KDM1A: variants seen among roughly 807,000 people sequenced by gnomAD.
KDM1A encodes the protein lysine demethylase 1A, also known as lysine-specific histone demethylase 1A.
KDM1A carries 49 observed loss-of-function variants against 109.4 expected under a neutral mutation model. That is an observed-to-expected ratio of 0.45 (90% CI 0.36 to 0.57). KDM1A has a LOEUF of 0.57. Among genes scored for constraint, KDM1A ranks in the 20% least tolerant of loss-of-function variants. KDM1A has a pLI of 0.00. For missense variants in KDM1A, 668 were observed against 1,116.6 expected, an observed-to-expected ratio of 0.60 and a Z score of 5.73; for synonymous variants, 380 against 415.4, an observed-to-expected ratio of 0.91 and a Z score of 1.04.
chr1:23,083,103 A>T, intron 20 of KDM1A, 76 bp from the exon 21 acceptor site: 1 of 1,350,142 alleles, frequency 7.4e-7, no homozygotes, highest in Non-Finnish European at 1.0e-6. Flanking sequence ...ACAGCAATTT[A>T]AGTACTTAGC....
rs780379172 is a variant in KDM1A, at chr1:23,019,743, G to A, written c.147G>A (p.Glu49=). The A allele has an allele frequency of 1.5e-6, 2 of 1,335,424 alleles. No individual in the cohort carries two copies. The highest frequency in any genetic ancestry group is 3.1e-5 in the African/African-American group (2 of 64,768). 82.7% of individuals were successfully genotyped at this position (1,335,424 alleles called of 1,614,324 possible). A position where few individuals can be genotyped will look rare whatever the true frequency, so the allele number is the denominator to read the frequency against. Residue 49 remains glutamate (E), a synonymous_variant, in exon 1 of 21, where the codon GAG becomes GAA. Coordinates refer to ENST00000400181, the MANE Select transcript of KDM1A (RefSeq NM_001009999.3). ...AQPAGLSGPA[E]VGPGAVGERT... ...CCGCGGGCCTGTCGGGCCCAGCCGAGGTCGGGCCGGGGGCGGTGGGGGAGC... is the reference window on the plus strand; with the variant it reads ...CCGCGGGCCTGTCGGGCCCAGCCGAAGTCGGGCCGGGGGCGGTGGGGGAGC...
At position 23,077,291 on chromosome 1, in the gene KDM1A, G is replaced by A. The variant is rs1407642449; in HGVS notation, c.1798G>A (p.Val600Met). ...TVRNGYSCVP[V>M]ALAEGLDIKL... Reference sequence around the variant, plus strand: ...AAGGAATGGCTACTCGTGTGTGCCTGTGGCTTTAGCAGAAGGCCTAGACAT... The same window carrying A: ...AAGGAATGGCTACTCGTGTGTGCCTATGGCTTTAGCAGAAGGCCTAGACAT... The change falls in exon 16 of 21, where the codon GTG (valine) becomes ATG (methionine). Residue 600 changes from valine to methionine, a missense_variant. Val to Met is a conservative substitution (Grantham distance 21, BLOSUM62 1). This residue lies in a region of KDM1A where 162 missense variants were observed against 376.4 expected (regional missense o/e 0.43). Coordinates refer to ENST00000400181, the MANE Select transcript of KDM1A (RefSeq NM_001009999.3). The A allele has an allele frequency of 2.0e-5, 33 of 1,614,124 alleles. No homozygotes were observed. Among genetic ancestry groups the A allele is most frequent in the Non-Finnish European group, 2.8e-5 (33 of 1,179,950 alleles).
At chr1:23,063,221 G>GGGGTGT (rs1557569838) in intron 9 of KDM1A, among the ~76,000 whole-genome samples, 3 of 90,906 alleles carry the variant, frequency 3.3e-5, no homozygotes, top group Non-Finnish European at 4.5e-5. Flanking sequence ...GTGTGGGGTG[G>GGGGTGT]GTGTGTGTGG....
chr1:23,083,272 G>A lies in KDM1A; in HGVS notation c.2539G>A (p.Gly847Arg). The A allele has an allele frequency of 1.2e-6, 2 of 1,613,966 alleles. No homozygotes were observed. Among genetic ancestry groups the A allele is most frequent in the Non-Finnish European group, 1.7e-6 (2 of 1,179,986 alleles). The change falls in exon 21 of 21, where the codon GGA (glycine) becomes AGA (arginine). Residue 847 changes from glycine (G) to arginine (R), a missense_variant. Gly to Arg is a moderately radical substitution (Grantham distance 125). Around this residue, in one of 8 missense-constraint regions of KDM1A, gnomAD observed 69 missense variants for 99.6 expected, o/e 0.69. Coordinates refer to ENST00000400181, the MANE Select transcript of KDM1A (RefSeq NM_001009999.3). The stretch of plus-strand genomic sequence containing the variant: ...TCTGCTGAGTGGGCTGCGAGAAGCG[G>A]GAAGAATTGCAGACCAGTTTTTGGG... ...GALLSGLREA[G>R]RIADQFLGAM...
intron 5 of KDM1A, 80 bp from the exon 6 acceptor site, chr1:23,054,989 A>G (rs1232311161): frequency 1.0e-5 from 9 of 871,092 alleles, no homozygotes; most frequent in Middle Eastern, 2.4e-4. Context: ...GGACTTCATG[A>G]TGGAGAAATG....
intron 15 of KDM1A, among the ~76,000 whole-genome samples, chr1:23,075,730 C>T (rs1001850358): frequency 1.3e-5 from 2 of 152,054 alleles, no homozygotes; most frequent in South Asian, 2.1e-4. Context: ...GGCGGATCAC[C>T]TCAGGTCAGG....
At chr1:23,054,260 T>C (rs918653756) in intron 5 of KDM1A, among the ~76,000 whole-genome samples, 2 of 152,208 alleles carry the variant, frequency 1.3e-5, no homozygotes, top group Non-Finnish European at 2.9e-5. Context: ...AATGAAATTC[T>C]TAAAAATTTT....
intron 9 of KDM1A, among the ~76,000 whole-genome samples, chr1:23,060,524 G>A (rs993282570): frequency 3.9e-5 from 6 of 152,312 alleles, no homozygotes; most frequent in African/African-American, 1.4e-4. Flanking sequence ...TGCTATGGAA[G>A]AACCAAGGTG....
intron 16 of KDM1A, among the ~76,000 whole-genome samples, chr1:23,078,298 G>T (rs995904552): frequency 6.6e-6 from 1 of 152,142 alleles, no homozygotes; most frequent in Non-Finnish European, 1.5e-5. Context: ...TAGATGTTGT[G>T]CCATTTTCTC....
chr1:23,081,843 A>G, intron 19 of KDM1A: 1 of 460,014 alleles, frequency 2.2e-6, no homozygotes, highest in South Asian at 3.8e-5. Flanking sequence ...CAAAATGGCC[A>G]AACTCCAGTG....
rs570849478 is a variant in KDM1A at position 23,049,599 on chromosome 1, C to T, written c.578-788C>T. On this transcript the variant is annotated intron_variant, in intron 3 of 20. Transcript: ENST00000400181. ...ACTCGAGAGGCTGAGGCAGGAGAATCGCTTGAACCCAGGAGGCAGAGGTTG... is the reference window on the plus strand; with the variant it reads ...ACTCGAGAGGCTGAGGCAGGAGAATTGCTTGAACCCAGGAGGCAGAGGTTG... 1.3e-4 allele frequency among the ~76,000 whole-genome samples: 19 copies of T among 151,390 alleles called. No individual in the cohort carries two copies. The South Asian group carries it at 3.8e-3, about 30-fold the overall frequency.
intron 4 of KDM1A, among the ~76,000 whole-genome samples, chr1:23,053,280 ATGGCTT>A (rs1557549461): frequency 2.0e-5 from 3 of 152,184 alleles, no homozygotes; most frequent in African/African-American, 7.2e-5. Context: ...CTTATTTGAT[ATGGCTT>A]TGTGTTCATC....
At chr1:23,060,070 T>A (rs1642956307) in intron 9 of KDM1A, among the ~76,000 whole-genome samples, 1 of 152,146 alleles carries the variant, frequency 6.6e-6, no homozygotes, top group African/African-American at 2.4e-5. Flanking sequence ...TTGGTTTCCA[T>A]CCCCACCATC....
At position 23,083,270 on chromosome 1, in the gene KDM1A, C is replaced by T; in HGVS notation, c.2537C>T (p.Ala846Val). The change falls in exon 21 of 21, where the codon GCG (alanine) becomes GTG (valine). Residue 846 changes from alanine (A) to valine (V), a missense_variant. By Grantham distance (64) the Ala-to-Val change is moderately conservative. Around this residue, in one of 8 missense-constraint regions of KDM1A, gnomAD observed 69 missense variants for 99.6 expected, o/e 0.69. Coordinates refer to ENST00000400181, the MANE Select transcript of KDM1A (RefSeq NM_001009999.3). Reference protein sequence around the residue: ...HGALLSGLREAGRIADQFLGA... With the variant: ...HGALLSGLREVGRIADQFLGA... Reference sequence around the variant, plus strand: ...GCTCTGCTGAGTGGGCTGCGAGAAGCGGGAAGAATTGCAGACCAGTTTTTG... The same window carrying T: ...GCTCTGCTGAGTGGGCTGCGAGAAGTGGGAAGAATTGCAGACCAGTTTTTG... 6.2e-7 allele frequency: 1 copy of T among 1,613,884 alleles called. No individual in the cohort carries two copies. The highest frequency in any genetic ancestry group is 8.5e-7 in the Non-Finnish European group (1 of 1,179,946).
In KDM1A at chr1:23,050,430, G is replaced by T; in HGVS notation, c.621G>T (p.Arg207=). ...TCCAGAGCCGACTTCCTCATGACCG[G>T]ATGACTTCTCAAGAAGCAGCCTGTT... ...AAFQSRLPHD[R]MTSQEAACFP... The change falls in exon 4 of 21, where the codon CGG becomes CGT. Residue 207 remains arginine, a synonymous_variant. Transcript: ENST00000400181. 2 of 1,613,676 alleles carry T rather than the reference G, an allele frequency of 1.2e-6. No homozygotes were observed. Among genetic ancestry groups the T allele is most frequent in the Non-Finnish European group, 8.5e-7 (1 of 1,179,774 alleles).
intron 3 of KDM1A, among the ~76,000 whole-genome samples, chr1:23,045,654 T>C (rs1322047879): frequency 1.3e-5 from 2 of 152,050 alleles, no homozygotes; most frequent in African/African-American, 2.4e-5. Context: ...AGTTGAGTTT[T>C]CTTGTTTTTT....
At chr1:23,043,522 G>A (rs1222945545) in intron 2 of KDM1A, among the ~76,000 whole-genome samples, 2 of 152,130 alleles carry the variant, frequency 1.3e-5, no homozygotes, top group African/African-American at 4.8e-5. Flanking sequence ...AGTTTATCTA[G>A]ATCATTGGGA....
At chr1:23,025,388 T>G (rs1641764030) in intron 1 of KDM1A, among the ~76,000 whole-genome samples, 1 of 150,340 alleles carries the variant, frequency 6.7e-6, no homozygotes, top group Non-Finnish European at 1.5e-5. Context: ...TGGAGTGCAA[T>G]GGTGTGATCT....
chr1:23,077,151 T>C, intron 15 of KDM1A, 77 bp from the exon 16 acceptor site: 1 of 1,364,758 alleles, frequency 7.3e-7, no homozygotes, highest in Non-Finnish European at 1.0e-6. Context: ...GTGTTTTCAT[T>C]GTTGTTGTAC....
Sources: gnomAD v4.1 joint callset for allele counts (sites outside exome capture counted in the v4.1 genomes callset) on GRCh38, gnomAD v4.1.1 for gene constraint, gnomAD v4.1.1 regional missense constraint, MANE v1.5 for transcripts, NCBI Gene and HGNC (gene_info 2026-07-23, HGNC 2026-07-21) for gene names.